ACTN4: variants seen among roughly 807,000 people sequenced by gnomAD.
The protein encoded by ACTN4 is actinin alpha 4.
Under a neutral mutation model 114.2 loss-of-function variants are expected in ACTN4, and 18 were observed. The observed-to-expected ratio is 0.16, with a 90% CI of 0.11 to 0.23. The LOEUF (loss-of-function observed/expected upper bound fraction) is 0.23. Among genes scored for constraint, ACTN4 ranks in the 10% least tolerant of loss-of-function variants. The pLI is 1.00. For synonymous variants in ACTN4, 515 were observed against 506.3 expected (o/e 1.02, Z -0.23); for missense variants, 722 against 1,262.9 (o/e 0.57, Z 6.49).
rs898478281 is a variant in ACTN4 at position 38,710,274 on chromosome 19, C to T, written c.751C>T (p.Arg251Trp). The change falls in exon 8 of 21, where the codon CGG (arginine) becomes TGG (tryptophan). Residue 251 changes from arginine (R) to tryptophan (W), a missense_variant. Physicochemically the swap from Arg to Trp is moderately radical, Grantham distance 101 (BLOSUM62 -3). Coordinates refer to ENST00000252699, the MANE Select transcript of ACTN4 (RefSeq NM_004924.6). The stretch of plus-strand genomic sequence containing the variant: ...ACTTGCAGACATCGTGAACACGGCC[C>T]GGCCCGACGAGAAGGCCATAATGAC... ...LDAEDIVNTA[R>W]PDEKAIMTYV... 9.3e-6 allele frequency: 15 copies of T among 1,614,028 alleles called. No individual in the cohort carries two copies. The highest frequency in any genetic ancestry group is 1.7e-5 in the Admixed American group (1 of 60,008).
intron 1 of ACTN4, among the ~76,000 whole-genome samples, chr19:38,700,123 G>T (rs1279162861): frequency 6.6e-6 from 1 of 152,120 alleles, no homozygotes; most frequent in Non-Finnish European, 1.5e-5. Context: ...CAGATGAAGG[G>T]CTGGCCTTCA....
rs1969266235 is a variant in ACTN4 at position 38,727,231 on chromosome 19, C to T, written c.2337+128C>T. On this transcript the variant is annotated intron_variant, in intron 18 of 20. Transcript: ENST00000252699. The surrounding 1 kb of genome is among the most constrained non-coding windows in gnomAD (Gnocchi z 5.4). ...GAGCGTCGGCCGCCACTCCCAGGGC[C>T]AGCAGGGCCCTGCCACTGTCAGGGT... The T allele has an allele frequency of 1.4e-6, 2 of 1,419,324 alleles. No individual in the cohort carries two copies. The highest frequency in any genetic ancestry group is 3.9e-5 in the Admixed American group (2 of 51,860). 87.9% of individuals were successfully genotyped at this position (1,419,324 alleles called of 1,614,324 possible).
intron 1 of ACTN4, among the ~76,000 whole-genome samples, chr19:38,665,838 C>A (rs936602018): frequency 1.3e-5 from 2 of 152,166 alleles, no homozygotes; most frequent in Admixed American, 6.5e-5. Flanking sequence ...GGGGCTCTTT[C>A]CCCGGGTTCC....
rs770935208 is a variant in ACTN4 at position 38,731,083 on chromosome 19, C to T, written c.*1651C>T. 48 of 1,097,534 alleles carry T rather than the reference C, an allele frequency of 4.4e-5. No individual in the cohort carries two copies. In the South Asian group the frequency reaches 6.9e-4, roughly 16 times the overall value. The allele number at this position is 1,097,534 out of a possible 1,614,324, so 68.0% of individuals were successfully genotyped here. A position where few individuals can be genotyped will look rare whatever the true frequency, so the allele number is the denominator to read the frequency against. Reference sequence around the variant, plus strand: ...TCCCCGTACCCCTTCCCCCCATGCCCCACCATGCCGGGGTGGTACTCACAG... The same window carrying T: ...TCCCCGTACCCCTTCCCCCCATGCCTCACCATGCCGGGGTGGTACTCACAG... On this transcript the variant is annotated 3_prime_UTR_variant, in exon 21 of 21. Transcript: ENST00000252699.
chr19:38,695,765 C>T (rs1198100070), intron 1 of ACTN4, among the ~76,000 whole-genome samples: 2 of 152,132 alleles, frequency 1.3e-5, no homozygotes, highest in East Asian at 3.9e-4. Context: ...AACTCCTCAT[C>T]CTTCAGCTCA....
At chr19:38,705,041 C>T (rs1303346224) in intron 4 of ACTN4, 21 bp downstream of exon 4, 2 of 1,606,564 alleles carry the variant, frequency 1.2e-6, no homozygotes, top group Non-Finnish European at 1.7e-6. Flanking sequence ...CCTGTACTGC[C>T]CCCGCTTCCC....
rs556558487 is a variant in ACTN4, at chr19:38,731,467, C to T, written c.*2035C>T. 4 of 557,548 alleles carry T rather than the reference C, an allele frequency of 7.2e-6. No homozygotes were observed. The highest frequency in any genetic ancestry group is 3.0e-5 in the Admixed American group (1 of 32,834). The allele number at this position is 557,548 out of a possible 1,614,324, so 34.5% of individuals were successfully genotyped here. A position where few individuals can be genotyped will look rare whatever the true frequency, so the allele number is the denominator to read the frequency against. The stretch of plus-strand genomic sequence containing the variant: ...TGTGAAGACAGAACGCTCAGGACAG[C>T]GTCTGACACGTGACTCGATGTGTGG... On this transcript the variant is annotated 3_prime_UTR_variant, in exon 21 of 21. Transcript: ENST00000252699.
At chr19:38,682,411 T>C (rs1176201407) in intron 1 of ACTN4, among the ~76,000 whole-genome samples, 3 of 152,126 alleles carry the variant, frequency 2.0e-5, no homozygotes. Flanking sequence ...ATTGAACTCC[T>C]GGCCTCAAGC....
intron 1 of ACTN4, among the ~76,000 whole-genome samples, chr19:38,653,529 G>A (rs1177313213): frequency 6.6e-6 from 1 of 151,988 alleles, no homozygotes; most frequent in Non-Finnish European, 1.5e-5. Context: ...GCTCGTTCAG[G>A]TTTTCTGAAT....
In ACTN4 at chr19:38,683,088, T is replaced by C. The variant is rs542591318; in HGVS notation, c.163-17512T>C. Among the ~76,000 whole-genome samples, 10 of 152,282 alleles carry C rather than the reference T, an allele frequency of 6.6e-5. No individual in the cohort carries two copies. In the South Asian group the frequency reaches 1.7e-3, roughly 25 times the overall value. ...GATAGATGCCTAGTACATTTTAAAA[T>C]GAGAACGAATGAAGTTTGGGAGAGG... On this transcript the variant is annotated intron_variant, in intron 1 of 20. Transcript: ENST00000252699.
At chr19:38,699,680 A>C (rs996010023) in intron 1 of ACTN4, among the ~76,000 whole-genome samples, 3 of 151,818 alleles carry the variant, frequency 2.0e-5, no homozygotes, top group African/African-American at 7.3e-5. Flanking sequence ...GCTTGAACCC[A>C]GGAGGTAGAG....
chr19:38,709,146 C>T (rs939048142), intron 6 of ACTN4, among the ~76,000 whole-genome samples: 2 of 152,088 alleles, frequency 1.3e-5, no homozygotes, highest in Admixed American at 1.3e-4. Flanking sequence ...AAAGAGTACA[C>T]CTGCATTTTT....
chr19:38,656,610 G>C (rs796100731), intron 1 of ACTN4, among the ~76,000 whole-genome samples: 2 of 152,190 alleles, frequency 1.3e-5, no homozygotes, highest in African/African-American at 4.8e-5. Flanking sequence ...AGTTGGAAGC[G>C]GCAGTTACTA....
rs376942211 is a variant in ACTN4, at chr19:38,704,799, G to T, written c.398-135G>T. 21 of 752,270 alleles carry T rather than the reference G, an allele frequency of 2.8e-5. No individual in the cohort carries two copies. In the African/African-American group the frequency reaches 2.9e-4, roughly 10 times the overall value. 46.6% of individuals were successfully genotyped at this position (752,270 alleles called of 1,614,324 possible). The stretch of plus-strand genomic sequence containing the variant: ...TCCTGAGGGAGGTGGAGGAGGACAG[G>T]CCTGGGAGATGCAACCAGGGGGTGG... On this transcript the variant is annotated intron_variant, in intron 3 of 20. Transcript: ENST00000252699.
intron 11 of ACTN4, among the ~76,000 whole-genome samples, chr19:38,719,124 C>T (rs1181360824): frequency 6.6e-5 from 10 of 152,230 alleles, no homozygotes. Context: ...GATTTCATCA[C>T]GTCCCTGGCC....
intron 13 of ACTN4, 48 bp downstream of exon 13, chr19:38,723,770 C>T (rs1261872084): frequency 1.3e-6 from 2 of 1,525,912 alleles, no homozygotes; most frequent in Non-Finnish European, 1.8e-6. Context: ...CCCTGCTGCC[C>T]CGGGGCTGGT....
At chr19:38,666,212 C>T (rs1463040271) in intron 1 of ACTN4, among the ~76,000 whole-genome samples, 5 of 136,276 alleles carry the variant, frequency 3.7e-5, no homozygotes, top group African/African-American at 1.2e-4. Flanking sequence ...CATTCTTCAA[C>T]TTCGCCCCTG....
chr19:38,713,769 T>C (rs1319856430), intron 8 of ACTN4, among the ~76,000 whole-genome samples: 1 of 152,130 alleles, frequency 6.6e-6, no homozygotes, highest in Non-Finnish European at 1.5e-5. Context: ...CTTGGACCCT[T>C]TCTGTGCTTC....
chr19:38,651,794 G>C (rs1976570353), intron 1 of ACTN4, among the ~76,000 whole-genome samples: 1 of 151,752 alleles, frequency 6.6e-6, no homozygotes, highest in Non-Finnish European at 1.5e-5. Flanking sequence ...GGAGTGCAGT[G>C]GTGTGATCTT....
Sources: gnomAD v4.1 joint callset for allele counts (sites outside exome capture counted in the v4.1 genomes callset) on GRCh38, gnomAD v4.1.1 for gene constraint, Gnocchi (gnomAD v3.1) non-coding constraint, MANE v1.5 for transcripts, NCBI Gene and HGNC (gene_info 2026-07-23, HGNC 2026-07-21) for gene names.